Variants in MYO9B observed in about 807,000 individuals in gnomAD.
MYO9B encodes the protein unconventional myosin-IXb.
Under a neutral mutation model 229.5 loss-of-function variants are expected in MYO9B, and 71 were observed. The observed-to-expected ratio is 0.31, with a 90% CI of 0.26 to 0.38. The LOEUF (loss-of-function observed/expected upper bound fraction) is 0.38, where lower values mean the gene tolerates loss of function less well. Ranked by LOEUF, MYO9B falls within the 10% of genes least tolerant of loss-of-function variation. The pLI is 1.00. For synonymous variants in MYO9B, 1,185 were observed against 1,235.8 expected, an observed-to-expected ratio of 0.96 and a Z score of 0.86; for missense variants, 2,255 against 2,920.5, an observed-to-expected ratio of 0.77 and a Z score of 5.25.
chr19:17,078,224 C>T (rs1043612203), intron 1 of MYO9B, among the ~76,000 whole-genome samples: 5 of 152,146 alleles, frequency 3.3e-5, no homozygotes, highest in Non-Finnish European at 7.3e-5. Flanking sequence ...TGCCCGCCCC[C>T]GACAACTTTG....
rs779960800 is a variant in MYO9B at position 17,209,658 on chromosome 19, G to A, written c.5697G>A (p.Glu1899=). Residue 1899 remains glutamate, a synonymous_variant, in exon 36 of 40, where the codon GAG becomes GAA. Coordinates refer to ENST00000682292, the MANE Select transcript of MYO9B (RefSeq NM_004145.4). ...AGATGGAGGAGATCAGCCAACTGGA[G>A]GCTGCAGAGAGTATCGCCTTCCGCA... ...KVKMEEISQL[E]AAESIAFRRL... is the part of the protein sequence containing the mutation. 5 of 1,612,486 alleles carry A rather than the reference G, an allele frequency of 3.1e-6. No homozygotes were observed. Among genetic ancestry groups the A allele is most frequent in the Admixed American group, 1.7e-5 (1 of 59,722 alleles).
chr19:17,104,503 G>A (rs1451583533), intron 2 of MYO9B, among the ~76,000 whole-genome samples: 3 of 152,174 alleles, frequency 2.0e-5, no homozygotes, highest in African/African-American at 7.2e-5. Flanking sequence ...TCAGAACAAC[G>A]CAACCATCGC....
In MYO9B at chr19:17,203,351, A is replaced by C. The variant is rs185043675; in HGVS notation, c.4990+93A>C. The C allele has an allele frequency of 9.0e-4, 855 of 951,226 alleles. 7 individuals are homozygous for C. The Admixed American group carries it at 0.015, about 17-fold the overall frequency. The allele number at this position is 951,226 out of a possible 1,614,324, so 58.9% of individuals were successfully genotyped here. A position where few individuals can be genotyped will look rare whatever the true frequency, so the allele number is the denominator to read the frequency against. ...TCTTCAGGGCCAGGCGGGGTGGCTC[A>C]CACCTGTAATCCCAGCACTTTGGGA... On this transcript the variant is annotated intron_variant, in intron 30 of 39. Coordinates refer to ENST00000682292, the MANE Select transcript of MYO9B (RefSeq NM_004145.4).
chr19:17,180,863 TG>T, intron 14 of MYO9B, 63 bp from the exon 15 acceptor site: 1 of 1,142,788 alleles, frequency 8.8e-7, no homozygotes, highest in Non-Finnish European at 1.3e-6. Context: ...AACCCCGAGG[TG>T]GCAGGCCTGC....
At chr19:17,147,808 G>T (rs895124585) in intron 3 of MYO9B, among the ~76,000 whole-genome samples, 5 of 132,924 alleles carry the variant, frequency 3.8e-5, no homozygotes, top group African/African-American at 1.5e-4. Context: ...GCCTCAGCTC[G>T]AGTAGCTGGG....
chr19:17,151,392 A>G (rs763988635), intron 3 of MYO9B, among the ~76,000 whole-genome samples: 7 of 152,178 alleles, frequency 4.6e-5, no homozygotes, highest in Non-Finnish European at 1.0e-4. Flanking sequence ...GGACACTGTG[A>G]CAAAATTGGA....
intron 10 of MYO9B, among the ~76,000 whole-genome samples, chr19:17,164,535 C>A (rs1273669560): frequency 6.6e-6 from 1 of 152,122 alleles, no homozygotes; most frequent in African/African-American, 2.4e-5. Flanking sequence ...TGCATGCCAC[C>A]ATGCCCAGCT....
Position 17,172,589 on chromosome 19 carries a change from A to G in MYO9B, c.1935+112A>G. 1 of 1,491,572 alleles carries G rather than the reference A, an allele frequency of 6.7e-7. No individual in the cohort carries two copies. Among genetic ancestry groups the G allele is most frequent in the Middle Eastern group, 1.8e-4 (1 of 5,488 alleles). 92.4% of individuals were successfully genotyped at this position (1,491,572 alleles called of 1,614,324 possible). A position where few individuals can be genotyped will look rare whatever the true frequency, so the allele number is the denominator to read the frequency against. ...CGAGGTTCCAGGGTGCTCAGAACCC[A>G]CCGCGAATCCCCGGCTCCAATGTCC... On this transcript the variant is annotated intron_variant, in intron 12 of 39. Transcript: ENST00000682292. This position sits in a 1 kb window ranked among gnomAD's most constrained non-coding sequence, Gnocchi z 8.2.
intron 2 of MYO9B, among the ~76,000 whole-genome samples, chr19:17,123,536 G>A (rs2145135741): frequency 6.6e-6 from 1 of 151,782 alleles, no homozygotes; most frequent in African/African-American, 2.4e-5. Context: ...CACCTCCCTG[G>A]TTCAGGCGAT....
intron 1 of MYO9B, among the ~76,000 whole-genome samples, chr19:17,083,654 T>G (rs1423250811): frequency 6.6e-6 from 1 of 151,414 alleles, no homozygotes; most frequent in East Asian, 1.9e-4. Flanking sequence ...TCTTTTTTTT[T>G]TTTTTTTTTG....
chr19:17,095,404 G>A (rs2057677869), intron 1 of MYO9B: 1 of 152,298 alleles, frequency 6.6e-6, no homozygotes, highest in South Asian at 2.1e-4. Context: ...TCTGCTTCCT[G>A]TCTCTATGGA....
intron 38 of MYO9B, 98 bp from the exon 39 acceptor site, chr19:17,211,549 C>G: frequency 8.4e-7 from 1 of 1,190,994 alleles, no homozygotes. Flanking sequence ...GTTGGGGACA[C>G]AGAGTTACAT....
At chr19:17,162,308 G>A (rs778500295) in intron 8 of MYO9B, 42 bp from the exon 9 acceptor site, 3 of 1,492,608 alleles carry the variant, frequency 2.0e-6, no homozygotes, top group East Asian at 4.9e-5. Flanking sequence ...CCAGCGCAGG[G>A]CCTGCCGTGC....
intron 2 of MYO9B, among the ~76,000 whole-genome samples, chr19:17,117,425 C>T (rs920361882): frequency 6.6e-6 from 1 of 152,158 alleles, no homozygotes; most frequent in South Asian, 2.1e-4. Flanking sequence ...CCCGGGAGTG[C>T]CCAGAGGCAG....
At chr19:17,142,442 G>A (rs553065075) in intron 2 of MYO9B, among the ~76,000 whole-genome samples, 1 of 152,238 alleles carries the variant, frequency 6.6e-6, no homozygotes, top group Admixed American at 6.5e-5. Context: ...CTTTAAGAAG[G>A]TTAATTGTAT....
chr19:17,102,888 C>CA (rs1470960111), intron 2 of MYO9B, among the ~76,000 whole-genome samples: 3 of 148,432 alleles, frequency 2.0e-5, no homozygotes, highest in African/African-American at 7.5e-5. Context: ...GCCTGGATGA[C>CA]AGAGAGAGAC....
chr19:17,158,183 A>G (rs2072557905), intron 7 of MYO9B, among the ~76,000 whole-genome samples: 1 of 152,166 alleles, frequency 6.6e-6, no homozygotes, highest in Admixed American at 6.6e-5. Flanking sequence ...TTTGTTTTTT[A>G]ATCCATTTAT....
intron 2 of MYO9B, among the ~76,000 whole-genome samples, chr19:17,106,221 C>T (rs2057791948): frequency 6.6e-6 from 1 of 152,150 alleles, no homozygotes; most frequent in African/African-American, 2.4e-5. Flanking sequence ...GTCTCGAACT[C>T]CTGGCTTCCA....
At chr19:17,168,191 G>A in intron 11 of MYO9B, 127 bp downstream of exon 11, 1 of 1,283,246 alleles carries the variant, frequency 7.8e-7, no homozygotes, top group Non-Finnish European at 1.1e-6. Flanking sequence ...TTGAGACAGG[G>A]TCTCACTCTG....
Sources: gnomAD v4.1 joint callset for allele counts (sites outside exome capture counted in the v4.1 genomes callset) on GRCh38, gnomAD v4.1.1 for gene constraint, Gnocchi (gnomAD v3.1) non-coding constraint, MANE v1.5 for transcripts, NCBI Gene and HGNC (gene_info 2026-07-23, HGNC 2026-07-21) for gene names.